The following PLXNA2 variants were observed in gnomAD, a reference collection of about 807,000 sequenced individuals.
The protein encoded by PLXNA2 is plexin A2.
Under a neutral mutation model 193.5 loss-of-function variants are expected in PLXNA2, and 91 were observed. The ratio of observed to expected loss-of-function variants is 0.47; its 90% CI spans 0.40 to 0.56. PLXNA2 has a LOEUF of 0.56. Ranked by LOEUF, PLXNA2 falls within the 20% of genes least tolerant of loss-of-function variation. PLXNA2 has a pLI of 0.00. For missense variants in PLXNA2, 1,995 were observed against 2,503.2 expected (o/e 0.80, Z 4.33); for synonymous variants, 997 against 1,027.3 (o/e 0.97, Z 0.56).
intron 1 of PLXNA2, among the ~76,000 whole-genome samples, chr1:208,223,598 T>A (rs965396561): frequency 6.6e-6 from 1 of 152,174 alleles, no homozygotes; most frequent in African/African-American, 2.4e-5. Flanking sequence ...GGGAGAATGA[T>A]TGCTTCTGTC....
At chr1:208,192,836 G>A (rs886175533) in intron 3 of PLXNA2, among the ~76,000 whole-genome samples, 3 of 151,270 alleles carry the variant, frequency 2.0e-5, no homozygotes, top group Non-Finnish European at 4.4e-5. Context: ...GCAGTGAGCC[G>A]AGATTGCACC....
chr1:208,058,148 A>G (rs78637326), intron 13 of PLXNA2, among the ~76,000 whole-genome samples: 1,865 of 152,260 alleles, frequency 0.012, 83 homozygotes, highest in East Asian at 0.11. Flanking sequence ...CCATCCCGCA[A>G]TGGCTGAGTT....
chr1:208,053,932 G>A (rs1260425491), intron 14 of PLXNA2, among the ~76,000 whole-genome samples: 1 of 152,184 alleles, frequency 6.6e-6, no homozygotes. Flanking sequence ...GTGGTCCTGT[G>A]CAGATACACA....
chr1:208,155,419 T>C (rs970747996), intron 3 of PLXNA2, among the ~76,000 whole-genome samples: 6 of 152,176 alleles, frequency 3.9e-5, no homozygotes, highest in African/African-American at 1.4e-4. Context: ...AAAGGAGCTA[T>C]AGCCTGGCTT....
chr1:208,041,041 T>C (rs1338984278), intron 22 of PLXNA2, among the ~76,000 whole-genome samples: 1 of 151,978 alleles, frequency 6.6e-6, no homozygotes, highest in Non-Finnish European at 1.5e-5. Flanking sequence ...TGGGAGAGAG[T>C]GACAATGGCA....
rs571745380 is a variant in PLXNA2, at chr1:208,088,560, C to T, written c.2098-3980G>A. Among the ~76,000 whole-genome samples, 8 of 152,372 alleles carry T rather than the reference C, an allele frequency of 5.3e-5. No homozygotes were observed. The East Asian group carries it at 1.5e-3, about 29-fold the overall frequency. On this transcript the variant is annotated intron_variant, in intron 9 of 31. Coordinates refer to ENST00000367033, the MANE Select transcript of PLXNA2 (RefSeq NM_025179.4). ...AGCCATACATCCTCCCGTGCACACCCGCTTGCTAACACCATGTCACAGCCT... is the reference window on the plus strand; with the variant it reads ...AGCCATACATCCTCCCGTGCACACCTGCTTGCTAACACCATGTCACAGCCT...
At chr1:208,118,115 G>C (rs562991212) in intron 4 of PLXNA2, among the ~76,000 whole-genome samples, 2 of 152,336 alleles carry the variant, frequency 1.3e-5, no homozygotes, top group East Asian at 1.9e-4. Flanking sequence ...AAGGACTGCT[G>C]TTCCTCACTA....
In PLXNA2 at chr1:208,060,612, G is replaced by A. The variant is rs572792787; in HGVS notation, c.2738+74C>T. 8 of 1,423,880 alleles carry A rather than the reference G, an allele frequency of 5.6e-6. No homozygotes were observed. In the Admixed American group the frequency reaches 1.0e-4, roughly 18 times the overall value. The allele number at this position is 1,423,880 out of a possible 1,614,324, so 88.2% of individuals were successfully genotyped here. A position where few individuals can be genotyped will look rare whatever the true frequency, so the allele number is the denominator to read the frequency against. Reference sequence around the variant, plus strand: ...GAGATCAATCATGGAAAAGGCCCAGGAAGGGAGAGGGGAGAGTCTCCAGTC... The same window carrying A: ...GAGATCAATCATGGAAAAGGCCCAGAAAGGGAGAGGGGAGAGTCTCCAGTC... On this transcript the variant is annotated intron_variant, in intron 13 of 31. Coordinates refer to ENST00000367033, the MANE Select transcript of PLXNA2 (RefSeq NM_025179.4).
rs1671489839 is a variant in PLXNA2 at position 208,225,768 on chromosome 1, C to A, written c.-80-7766G>T. On this transcript the variant is annotated intron_variant, in intron 1 of 31. Coordinates refer to ENST00000367033, the MANE Select transcript of PLXNA2 (RefSeq NM_025179.4). ...AGGTGATGTAAAGAGACATCCACAT[C>A]CTCATCTGACCATCTACAAGCTCAG... is the stretch of plus-strand genomic sequence containing the variant. 1.3e-5 allele frequency among the ~76,000 whole-genome samples: 2 copies of A among 152,342 alleles called. 1 individual carries two copies. The highest frequency in any genetic ancestry group is 4.1e-4 in the South Asian group (2 of 4,826).
chr1:208,156,235 G>C (rs577122245), intron 3 of PLXNA2, among the ~76,000 whole-genome samples: 1 of 152,302 alleles, frequency 6.6e-6, no homozygotes, highest in African/African-American at 2.4e-5. Flanking sequence ...CTGACTATTA[G>C]GAAGCGAACG....
intron 4 of PLXNA2, among the ~76,000 whole-genome samples, chr1:208,114,588 ACAGAATTTTGGTTTT>A (rs1287145585): frequency 6.6e-6 from 1 of 152,228 alleles, no homozygotes; most frequent in African/African-American, 2.4e-5. Context: ...ATGCTGTAAA[ACAGAATTTTGGTTTT>A]CAGCAAACAC....
intron 11 of PLXNA2, among the ~76,000 whole-genome samples, chr1:208,080,700 G>T (rs968993935): frequency 6.6e-6 from 1 of 152,124 alleles, no homozygotes; most frequent in Non-Finnish European, 1.5e-5. Flanking sequence ...CAGGAAATGG[G>T]AATCTTAAAA....
chr1:208,052,576 G>T, intron 14 of PLXNA2, 113 bp from the exon 15 acceptor site: 1 of 1,020,974 alleles, frequency 9.8e-7, no homozygotes, highest in Non-Finnish European at 1.4e-6. Context: ...GGTGGTACTT[G>T]TCCTGTCCTT....
intron 1 of PLXNA2, among the ~76,000 whole-genome samples, chr1:208,233,547 C>T (rs1266769821): frequency 1.3e-5 from 2 of 152,214 alleles, no homozygotes; most frequent in African/African-American, 4.8e-5. Context: ...CTCTGGATCC[C>T]AGCCCTCTTC....
At chr1:208,136,591 C>T (rs1668307741) in intron 4 of PLXNA2, among the ~76,000 whole-genome samples, 1 of 152,210 alleles carries the variant, frequency 6.6e-6, no homozygotes, top group Non-Finnish European at 1.5e-5. Flanking sequence ...ACACATCGGC[C>T]TGGGGCTGCC....
intron 13 of PLXNA2, among the ~76,000 whole-genome samples, chr1:208,056,226 G>A (rs1028444857): frequency 6.6e-6 from 1 of 152,194 alleles, no homozygotes; most frequent in African/African-American, 2.4e-5. Flanking sequence ...GAGCTCCAGG[G>A]GAGAATCAAC....
At position 208,025,076 on chromosome 1, in the gene PLXNA2, T is replaced by C. The variant is rs746821058; in HGVS notation, c.*2167A>G. On this transcript the variant is annotated 3_prime_UTR_variant, in exon 32 of 32. Transcript: ENST00000367033. ...TGAGAAACTTTAAAGAAGTGGATTT[T>C]CAAAAGAAAGTGGCCTTGGCATGGC... 1 of 152,664 alleles carries C rather than the reference T, an allele frequency of 6.6e-6. No homozygotes were observed. The highest frequency in any genetic ancestry group is 1.5e-5 in the Non-Finnish European group (1 of 68,046). 9.5% of individuals were successfully genotyped at this position (152,664 alleles called of 1,614,324 possible).
At position 208,027,310 on chromosome 1, in the gene PLXNA2, T is replaced by A. The variant is rs201356824; in HGVS notation, c.5618A>T (p.Gln1873Leu). ...ELIGALEQDE[Q>L]ARRQRLAYKV... Reference sequence around the variant, plus strand: ...ATAAGCCAGCCGCTGCCGCCGTGCCTGCTCATCCTGCTCTAGGGCCCCGAT... The same window carrying A: ...ATAAGCCAGCCGCTGCCGCCGTGCCAGCTCATCCTGCTCTAGGGCCCCGAT... Residue 1873 changes from glutamine (Q) to leucine (L), a missense_variant, in exon 32 of 32, where the codon CAG becomes CTG. By Grantham distance (113) the Gln-to-Leu change is moderately radical. This residue lies in a region of PLXNA2 where 1,291 missense variants were observed against 1,673.6 expected (regional missense o/e 0.77). Coordinates refer to ENST00000367033, the MANE Select transcript of PLXNA2 (RefSeq NM_025179.4). 7.4e-6 allele frequency: 12 copies of A among 1,613,410 alleles called. No individual in the cohort carries two copies. The Admixed American group carries it at 1.5e-4, about 20-fold the overall frequency.
chr1:208,144,782 A>G (rs1668557793), intron 3 of PLXNA2, among the ~76,000 whole-genome samples: 1 of 152,082 alleles, frequency 6.6e-6, no homozygotes, highest in African/African-American at 2.4e-5. Flanking sequence ...CCTGCTGTTC[A>G]AGGCTGTTGC....
Sources: allele counts gnomAD v4.1 joint callset (sites outside exome capture counted in the v4.1 genomes callset), GRCh38; gene constraint gnomAD v4.1.1; regional missense constraint gnomAD v4.1.1; transcripts MANE v1.5; gene names NCBI Gene and HGNC (gene_info 2026-07-23, HGNC 2026-07-21).